LSM14A: variants seen among roughly 807,000 people sequenced by gnomAD.
LSM14A encodes the protein protein LSM14 homolog A.
A neutral mutation model predicts 52.4 loss-of-function variants in LSM14A; 14 were observed. The ratio of observed to expected loss-of-function variants is 0.27; its 90% CI spans 0.18 to 0.42. The LOEUF (loss-of-function observed/expected upper bound fraction) is 0.42. LSM14A is among the 10% of genes least tolerant of loss of function. The pLI, the probability that LSM14A is intolerant of heterozygous loss-of-function variation, is 1.00. For missense variants in LSM14A, 417 were observed against 581.8 expected (o/e 0.72, Z 2.91); for synonymous variants, 185 against 200.3 (o/e 0.92, Z 0.64).
At chr19:34,172,912 C>G in intron 1 of LSM14A, 149 bp downstream of exon 1, 1 of 981,392 alleles carries the variant, frequency 1.0e-6, no homozygotes, top group Non-Finnish European at 1.4e-6. Flanking sequence ...CCCGGCGTCG[C>G]GGGCCGGACC....
chr19:34,174,721 C>G (rs887120438), intron 1 of LSM14A, among the ~76,000 whole-genome samples: 1 of 151,990 alleles, frequency 6.6e-6, no homozygotes, highest in African/African-American at 2.4e-5. Flanking sequence ...TATGAAAAAG[C>G]CTCTCTTTAT....
chr19:34,227,304 TA>T, intron 9 of LSM14A, 60 bp from the exon 10 acceptor site: 1 of 1,165,108 alleles, frequency 8.6e-7, no homozygotes, highest in Non-Finnish European at 1.3e-6. Flanking sequence ...TTGAGCAAAG[TA>T]AAAAGAAAAT....
chr19:34,190,064 G>A (rs2070242848), intron 1 of LSM14A, among the ~76,000 whole-genome samples: 1 of 152,180 alleles, frequency 6.6e-6, no homozygotes, highest in African/African-American at 2.4e-5. Context: ...GCTAATGTAT[G>A]TGTTGTAGTA....
At chr19:34,178,658 T>C (rs985050058) in intron 1 of LSM14A, among the ~76,000 whole-genome samples, 1 of 152,234 alleles carries the variant, frequency 6.6e-6, no homozygotes, top group African/African-American at 2.4e-5. Flanking sequence ...AGTGAGTAAA[T>C]GGAAATGATT....
At chr19:34,189,350 TTCAGTGATA>T (rs759294954) in intron 1 of LSM14A, among the ~76,000 whole-genome samples, 3 of 152,192 alleles carry the variant, frequency 2.0e-5, no homozygotes, top group Admixed American at 6.5e-5. Context: ...TCAAATCCAA[TTCAGTGATA>T]TCAAATCCAA....
chr19:34,188,758 A>G (rs2070129148), intron 1 of LSM14A, among the ~76,000 whole-genome samples: 1 of 151,712 alleles, frequency 6.6e-6, no homozygotes, highest in Admixed American at 6.6e-5. Context: ...TTCACGCTTC[A>G]CTCTTGATGT....
chr19:34,197,047 A>G (rs1293637811), intron 3 of LSM14A, among the ~76,000 whole-genome samples: 2 of 152,036 alleles, frequency 1.3e-5, no homozygotes, highest in East Asian at 3.9e-4. Flanking sequence ...CAAATTGGAT[A>G]TACTAGGTAT....
intron 8 of LSM14A, chr19:34,221,299 T>A: frequency 1.8e-6 from 1 of 561,888 alleles, no homozygotes; most frequent in Non-Finnish European, 3.1e-6. Context: ...GCCAGGCTAG[T>A]CTCGAACTCC....
chr19:34,202,126 G>GTTTT (rs113903997), intron 3 of LSM14A, among the ~76,000 whole-genome samples: 1 of 119,558 alleles, frequency 8.4e-6, no homozygotes, highest in African/African-American at 3.2e-5. Context: ...TTTTTAGTAA[G>GTTTT]TTTTTTTTTT....
chr19:34,205,531 G>A (rs114813819), intron 3 of LSM14A, among the ~76,000 whole-genome samples: 249 of 148,172 alleles, frequency 1.7e-3, no homozygotes, highest in Non-Finnish European at 3.2e-3. Flanking sequence ...TAGGAAAAAT[G>A]GTTAGCTGGG....
At chr19:34,187,365 G>T (rs573783158) in intron 1 of LSM14A, among the ~76,000 whole-genome samples, 1 of 151,224 alleles carries the variant, frequency 6.6e-6, no homozygotes, top group Non-Finnish European at 1.5e-5. Context: ...TGCAACCTCC[G>T]CTTCTGGGGT....
At chr19:34,187,509 C>G (rs1300922438) in intron 1 of LSM14A, among the ~76,000 whole-genome samples, 11 of 152,064 alleles carry the variant, frequency 7.2e-5, no homozygotes, top group Non-Finnish European at 2.9e-5. Flanking sequence ...AGGCTGGGCT[C>G]AAACTCCCAA....
chr19:34,180,551 C>T (rs745367755), intron 1 of LSM14A, among the ~76,000 whole-genome samples: 3 of 152,196 alleles, frequency 2.0e-5, no homozygotes, highest in Non-Finnish European at 4.4e-5. Flanking sequence ...TTTCCCACCA[C>T]GATCTCCCTC....
At chr19:34,176,047 A>G (rs2482996) in intron 1 of LSM14A, among the ~76,000 whole-genome samples, 1 of 152,092 alleles carries the variant, frequency 6.6e-6, no homozygotes, top group Non-Finnish European at 1.5e-5. Flanking sequence ...ACGGGGTTTC[A>G]CCATGTTGGC....
intron 3 of LSM14A, among the ~76,000 whole-genome samples, chr19:34,197,239 CA>C (rs2070911732): frequency 6.6e-6 from 1 of 151,704 alleles, no homozygotes; most frequent in Admixed American, 6.6e-5. Context: ...TTACGATATG[CA>C]TCACCACACC....
rs867656959 is a variant in LSM14A at position 34,227,828 on chromosome 19, G to GTGTGTGTGTA, written c.*441_*442insGTGTGTGTAT. 1 of 143,900 alleles carries GTGTGTGTGTA rather than the reference G, an allele frequency of 6.9e-6. No homozygotes were observed. The highest frequency in any genetic ancestry group is 2.7e-5 in the African/African-American group (1 of 36,786). The allele number at this position is 143,900 out of a possible 1,614,324, so 8.9% of individuals were successfully genotyped here. A position where few individuals can be genotyped will look rare whatever the true frequency, so the allele number is the denominator to read the frequency against. On this transcript the variant is annotated 3_prime_UTR_variant, in exon 10 of 10. Transcript: ENST00000544216. Reference sequence around the variant, plus strand: ...TGTGTGTGTGTGTGTGTGTGTGTGTGTATGTGTGTGTCTTTTTCCTCCTTT... The same window carrying GTGTGTGTGTA: ...TGTGTGTGTGTGTGTGTGTGTGTGTGTGTGTGTGTATATGTGTGTGTCTTTTTCCTCCTTT...
chr19:34,182,559 C>T (rs1344115470), intron 1 of LSM14A, among the ~76,000 whole-genome samples: 2 of 151,496 alleles, frequency 1.3e-5, no homozygotes, highest in Non-Finnish European at 2.9e-5. Flanking sequence ...AACTCTCGGC[C>T]GGGCGCGGTG....
intron 1 of LSM14A, among the ~76,000 whole-genome samples, chr19:34,188,207 G>T (rs536350158): frequency 7.4e-4 from 113 of 152,192 alleles, no homozygotes; most frequent in Admixed American, 1.5e-3. Flanking sequence ...GATAGCTTGA[G>T]CTTGGGAGGT....
chr19:34,217,948 A>AT (rs886846213), intron 6 of LSM14A, among the ~76,000 whole-genome samples: 44 of 144,134 alleles, frequency 3.1e-4, no homozygotes, highest in Middle Eastern at 3.8e-3. Flanking sequence ...ATTCTTCCCG[A>AT]TTTTTTTTGT....
Sources: gnomAD v4.1 joint callset for allele counts (sites outside exome capture counted in the v4.1 genomes callset) on GRCh38, gnomAD v4.1.1 for gene constraint, MANE v1.5 for transcripts, NCBI Gene and HGNC (gene_info 2026-07-23, HGNC 2026-07-21) for gene names.